PHACTR1: variants seen among roughly 807,000 people sequenced by gnomAD.
The protein encoded by PHACTR1 is RPEL repeat containing 1.
Under a neutral mutation model 69.2 loss-of-function variants are expected in PHACTR1, and 16 were observed. The ratio of observed to expected loss-of-function variants is 0.23; its 90% CI spans 0.16 to 0.35. The LOEUF is 0.35. PHACTR1 is among the 10% of genes least tolerant of loss of function. PHACTR1 has a pLI of 1.00. For missense variants in PHACTR1, 510 were observed against 734.7 expected (o/e 0.69, Z 3.54); for synonymous variants, 312 against 284.5 (o/e 1.10, Z -0.97).
intron 4 of PHACTR1, among the ~76,000 whole-genome samples, chr6:12,850,461 A>G (rs1164992419): frequency 6.6e-6 from 1 of 152,214 alleles, no homozygotes; most frequent in African/African-American, 2.4e-5. Context: ...TTGCCTGGGG[A>G]AGGGAAACTT....
At chr6:13,015,401 C>T (rs1252899344) in intron 4 of PHACTR1, among the ~76,000 whole-genome samples, 1 of 152,118 alleles carries the variant, frequency 6.6e-6, no homozygotes, top group African/African-American at 2.4e-5. Flanking sequence ...GGGGGATATA[C>T]GTTTCTGAGA....
chr6:13,116,297 A>T (rs1032208922), intron 5 of PHACTR1, among the ~76,000 whole-genome samples: 1 of 152,234 alleles, frequency 6.6e-6, no homozygotes, highest in Non-Finnish European at 1.5e-5. Flanking sequence ...GATAAATGCA[A>T]ACTGCTTATG....
intron 3 of PHACTR1, among the ~76,000 whole-genome samples, chr6:12,723,260 C>T (rs544055138): frequency 1.6e-4 from 24 of 151,998 alleles, no homozygotes; most frequent in Non-Finnish European, 2.9e-4. Context: ...CATTATGGAT[C>T]GTCAGTCACT....
intron 4 of PHACTR1, among the ~76,000 whole-genome samples, chr6:12,937,074 T>G (rs1484533565): frequency 6.6e-6 from 1 of 152,204 alleles, no homozygotes; most frequent in Non-Finnish European, 1.5e-5. Flanking sequence ...TTATTCAGCC[T>G]ATGCAGTCTC....
rs1283515852 is a variant in PHACTR1, at chr6:13,001,688, A to G, written c.251-51677A>G. ...ACAGCCTAGAAAGTGACATCCAATA[A>G]ATAGTGTGCCCCCCACTTTGGGGAA... On this transcript the variant is annotated intron_variant, in intron 4 of 14. Coordinates refer to ENST00000332995, the MANE Select transcript of PHACTR1 (RefSeq NM_030948.6). 2.6e-5 allele frequency among the ~76,000 whole-genome samples: 4 copies of G among 152,148 alleles called. No homozygotes were observed. In the South Asian group the frequency reaches 6.2e-4, roughly 24 times the overall value.
chr6:12,949,643 A>G (rs549686899), intron 4 of PHACTR1, among the ~76,000 whole-genome samples: 4 of 152,354 alleles, frequency 2.6e-5, no homozygotes, highest in Admixed American at 2.6e-4. Context: ...ATTTAAAATA[A>G]ATTTAAAGAA....
chr6:13,065,848 C>T (rs1808546905), intron 5 of PHACTR1, among the ~76,000 whole-genome samples: 2 of 151,910 alleles, frequency 1.3e-5, no homozygotes, highest in South Asian at 4.1e-4. Flanking sequence ...TAGTTAGCAT[C>T]TGATTTTAAT....
At chr6:12,725,027 T>A (rs892813167) in intron 3 of PHACTR1, among the ~76,000 whole-genome samples, 1 of 152,208 alleles carries the variant, frequency 6.6e-6, no homozygotes, top group African/African-American at 2.4e-5. Context: ...TTCTGTCATC[T>A]ACATTGTCTT....
intron 4 of PHACTR1, among the ~76,000 whole-genome samples, chr6:12,934,781 A>C (rs913460623): frequency 1.2e-4 from 18 of 152,068 alleles, no homozygotes; most frequent in Admixed American, 8.5e-4. Context: ...GGTTGCGGTG[A>C]GCCAAGATCA....
chr6:12,972,278 C>T (rs993997095), intron 4 of PHACTR1, among the ~76,000 whole-genome samples: 2 of 152,234 alleles, frequency 1.3e-5, no homozygotes, highest in Non-Finnish European at 1.5e-5. Flanking sequence ...GCTCTTTCTA[C>T]TCCACTCTGC....
chr6:13,120,278 T>C (rs1818500719), intron 5 of PHACTR1, among the ~76,000 whole-genome samples: 1 of 152,148 alleles, frequency 6.6e-6, no homozygotes, highest in Non-Finnish European at 1.5e-5. Context: ...CCCTCCTTTT[T>C]TTTTCCTGGA....
Position 13,053,333 on chromosome 6 carries a change from TTTGTTTTCATCTCTTTC to T in PHACTR1, c.251-28_251-12del. On this transcript the variant is annotated splice_polypyrimidine_tract_variant and intron_variant, in intron 4 of 14. Transcript: ENST00000332995. ...CCCATTTTAACACTTTTTTTCTCTC[TTTGTTTTCATCTCTTTC>T]TTGGAAATAACAAGCTGAGGAAGTG... 2 of 1,570,482 alleles carry T rather than the reference TTTGTTTTCATCTCTTTC, an allele frequency of 1.3e-6. No homozygotes were observed. The highest frequency in any genetic ancestry group is 1.7e-6 in the Non-Finnish European group (2 of 1,156,234).
chr6:12,947,459 AC>A lies in PHACTR1; in HGVS notation c.251-105905del, dbSNP rs537462197. On this transcript the variant is annotated intron_variant, in intron 4 of 14. Transcript: ENST00000332995. ...GAGAAATAAAGAAGACATGGGAAAA[AC>A]ATCTGAAAAAACAACATTCTTATTT... is the stretch of plus-strand genomic sequence containing the variant. 2.2e-4 allele frequency among the ~76,000 whole-genome samples: 33 copies of A among 152,314 alleles called. No homozygotes were observed. In the South Asian group the frequency reaches 6.0e-3, roughly 28 times the overall value.
intron 7 of PHACTR1, among the ~76,000 whole-genome samples, chr6:13,203,384 A>T (rs1438392668): frequency 6.6e-6 from 1 of 152,230 alleles, no homozygotes; most frequent in Non-Finnish European, 1.5e-5. Context: ...ATCTGTAAAC[A>T]TGAGATAATA....
At chr6:12,979,384 C>T (rs1795243465) in intron 4 of PHACTR1, among the ~76,000 whole-genome samples, 1 of 152,156 alleles carries the variant, frequency 6.6e-6, no homozygotes, top group Admixed American at 6.5e-5. Flanking sequence ...TGCAAGTCAG[C>T]CAGCAGATCC....
intron 4 of PHACTR1, among the ~76,000 whole-genome samples, chr6:12,830,616 T>C (rs1357133677): frequency 6.6e-6 from 1 of 151,766 alleles, no homozygotes; most frequent in Non-Finnish European, 1.5e-5. Context: ...TGAGACAGAG[T>C]TTCACTCTTG....
chr6:13,079,228 T>C (rs985105485), intron 5 of PHACTR1, among the ~76,000 whole-genome samples: 1 of 152,106 alleles, frequency 6.6e-6, no homozygotes. Context: ...CCTTACTGCT[T>C]ACATGCGATG....
intron 5 of PHACTR1, among the ~76,000 whole-genome samples, chr6:13,072,835 T>C (rs1336923912): frequency 6.6e-6 from 1 of 152,126 alleles, no homozygotes; most frequent in East Asian, 1.9e-4. Flanking sequence ...AATTTACACC[T>C]CCTGTGATAT....
At chr6:13,022,632 A>ACTCTCGAAGCTTAAGATATTTATT (rs1310711644) in intron 4 of PHACTR1, among the ~76,000 whole-genome samples, 3 of 151,302 alleles carry the variant, frequency 2.0e-5, no homozygotes, top group Non-Finnish European at 4.4e-5. Context: ...TGTCACAGAG[A>ACTCTCGAAGCTTAAGATATTTATT]CTCTCGAAGC....
Sources: gnomAD v4.1 joint callset for allele counts (sites outside exome capture counted in the v4.1 genomes callset) on GRCh38, gnomAD v4.1.1 for gene constraint, MANE v1.5 for transcripts, NCBI Gene and HGNC (gene_info 2026-07-23, HGNC 2026-07-21) for gene names.